EMC3: variants seen among roughly 807,000 people sequenced by gnomAD.
The protein encoded by EMC3 is 30 kDa protein.
In EMC3, 13 loss-of-function variants were observed where a neutral mutation model predicts 36.6. The ratio of observed to expected loss-of-function variants is 0.35; its 90% confidence interval spans 0.23 to 0.56. The LOEUF is 0.56. EMC3 is among the 20% of genes least tolerant of loss of function. The probability of loss-of-function intolerance (pLI) is 0.84; values close to 1 mark genes in which losing one functional copy is unlikely to be tolerated. For missense variants in EMC3, 220 were observed against 324.5 expected (o/e 0.68, Z 2.47); for synonymous variants, 120 against 111.9 (o/e 1.07, Z -0.46).
chr3:9,986,595 T>G lies in EMC3; in HGVS notation c.67A>C (p.Ile23Leu). Reference sequence around the variant, plus strand: ...CGGATCATGCCTACGAAGAAAGTGATGATAACGATGGGTAGGACCACCCAG... The same window carrying G: ...CGGATCATGCCTACGAAGAAAGTGAGGATAACGATGGGTAGGACCACCCAG... The part of the protein sequence containing the change: ...RLWVVLPIVI[I>L]TFFVGMIRHY... Residue 23 changes from isoleucine to leucine, a missense_variant, in exon 1 of 8, where the codon ATC (isoleucine) becomes CTC (leucine). By Grantham distance (5) the Ile-to-Leu change is conservative. Around this residue, in one of 3 missense-constraint regions of EMC3, gnomAD observed 127 missense variants for 174.6 expected, o/e 0.73. Coordinates refer to ENST00000245046, the MANE Select transcript of EMC3 (RefSeq NM_001394674.1). 11 of 1,614,222 alleles carry G rather than the reference T, an allele frequency of 6.8e-6. No homozygotes were observed. Among genetic ancestry groups the G allele is most frequent in the Non-Finnish European group, 9.3e-6 (11 of 1,180,042 alleles).
rs1575670346 is a variant in EMC3, at chr3:9,964,334, A to G, written c.658-137T>C. The G allele has an allele frequency of 2.2e-6, 3 of 1,384,294 alleles. No homozygotes were observed. In the South Asian group the frequency reaches 4.7e-5, roughly 21 times the overall value. 85.8% of individuals were successfully genotyped at this position (1,384,294 alleles called of 1,614,324 possible). On this transcript the variant is annotated intron_variant, in intron 7 of 7. Coordinates refer to ENST00000245046, the MANE Select transcript of EMC3 (RefSeq NM_001394674.1). ...ATGTATAAGCTCATTCAATCCTACAAGGGAAATGCTGCTACCCCAATCCTC... is the reference window on the plus strand; with the variant it reads ...ATGTATAAGCTCATTCAATCCTACAGGGGAAATGCTGCTACCCCAATCCTC...
Position 9,962,956 on chromosome 3 carries a change from T to A in EMC3, c.*1113A>T, listed in dbSNP as rs185519920. On this transcript the variant is annotated 3_prime_UTR_variant, in exon 8 of 8. Coordinates refer to ENST00000245046, the MANE Select transcript of EMC3 (RefSeq NM_001394674.1). ...TCCAAAGGAGTAGCCATTTCCAGTA[T>A]AGCACCACTGATTTGTCAATGGATT... 7 of 152,132 alleles carry A rather than the reference T, an allele frequency of 4.6e-5. No individual in the cohort carries two copies. Among genetic ancestry groups the A allele is most frequent in the Admixed American group, 4.6e-4 (7 of 15,264 alleles). 9.4% of individuals were successfully genotyped at this position (152,132 alleles called of 1,614,324 possible). A position where few individuals can be genotyped will look rare whatever the true frequency, so the allele number is the denominator to read the frequency against.
intron 7 of EMC3, chr3:9,969,517 C>G: frequency 6.9e-7 from 1 of 1,451,900 alleles, no homozygotes; most frequent in Non-Finnish European, 9.0e-7. Context: ...CATTTAAAAA[C>G]CAGTAAAAGC....
At chr3:9,990,211 A>G (rs1020819990), upstream of EMC3, among the ~76,000 whole-genome samples, 2 of 149,808 alleles carry the variant, frequency 1.3e-5, no homozygotes, top group Admixed American at 1.3e-4. Flanking sequence ...TTTTTAGTAG[A>G]GATGGGGTTT....
At chr3:9,989,794 TC>T (rs1344220971), upstream of EMC3, among the ~76,000 whole-genome samples, 3 of 152,114 alleles carry the variant, frequency 2.0e-5, no homozygotes, top group Non-Finnish European at 4.4e-5. Context: ...TATTCTTTTT[TC>T]TCAACATTTT....
At chr3:9,988,670 C>T, upstream of EMC3, 4 of 1,286,418 alleles carry the variant, frequency 3.1e-6, no homozygotes, top group Non-Finnish European at 4.5e-6. Flanking sequence ...ACGTGTTTCG[C>T]TGATGTGTCA....
Position 9,983,571 on chromosome 3 carries a change from T to C in EMC3, c.155+2936A>G, listed in dbSNP as rs542187518. ...CCGCTAATCGCAGCCACTCGAGAGG[T>C]TGAGGCAGGAGAATCACTTCAGCTG... On this transcript the variant is annotated intron_variant, in intron 1 of 7. Coordinates refer to ENST00000245046, the MANE Select transcript of EMC3 (RefSeq NM_001394674.1). Among the ~76,000 whole-genome samples, 110 of 151,764 alleles carry C rather than the reference T, an allele frequency of 7.2e-4. 1 individual carries two copies. The South Asian group carries it at 0.021, about 29-fold the overall frequency.
intron 7 of EMC3, among the ~76,000 whole-genome samples, chr3:9,965,455 T>TAGAA (rs1328199722): frequency 6.7e-6 from 1 of 150,222 alleles, no homozygotes; most frequent in Non-Finnish European, 1.5e-5. Flanking sequence ...GATAGATAGA[T>TAGAA]AGATAGAACA....
intron 1 of EMC3, among the ~76,000 whole-genome samples, chr3:9,982,634 T>A (rs1322341103): frequency 6.6e-6 from 1 of 152,116 alleles, no homozygotes; most frequent in Non-Finnish European, 1.5e-5. Context: ...ATGCCTATAA[T>A]CCCAATATTG....
chr3:9,965,595 C>T (rs911248351), intron 7 of EMC3, among the ~76,000 whole-genome samples: 12 of 152,136 alleles, frequency 7.9e-5, no homozygotes, highest in African/African-American at 2.7e-4. Flanking sequence ...TGTGCAACCA[C>T]CACCACTATC....
intron 2 of EMC3, 84 bp downstream of exon 2, chr3:9,977,305 C>T: frequency 7.5e-7 from 1 of 1,328,678 alleles, no homozygotes; most frequent in Non-Finnish European, 1.0e-6. Context: ...CTTTAGCTTT[C>T]CCCAGAGCCC....
intron 1 of EMC3, chr3:10,000,846 A>T (rs1215099855): frequency 2.0e-6 from 1 of 489,176 alleles, no homozygotes; most frequent in Non-Finnish European, 4.1e-6. Context: ...GCCCGAAGAG[A>T]CCTTGGAGAT....
chr3:9,982,366 GC>G (rs1292774798), intron 1 of EMC3, among the ~76,000 whole-genome samples: 2 of 152,084 alleles, frequency 1.3e-5, no homozygotes, highest in African/African-American at 4.8e-5. Flanking sequence ...CGATTCTCCT[GC>G]CTCAGCCTCC....
intron 5 of EMC3, among the ~76,000 whole-genome samples, chr3:9,972,014 C>CA (rs1030463372): frequency 2.7e-4 from 40 of 148,422 alleles, no homozygotes; most frequent in African/African-American, 5.5e-4. Flanking sequence ...TTCTGCCATT[C>CA]AAAAAAAAAT....
At chr3:9,974,530 C>G in intron 3 of EMC3, 42 bp from the exon 4 acceptor site, 1 of 1,338,388 alleles carries the variant, frequency 7.5e-7, no homozygotes, top group Non-Finnish European at 1.1e-6. Context: ...AGTTTTACCT[C>G]TGTTGCCAGG....
At chr3:9,977,261 CA>C in intron 2 of EMC3, 127 bp downstream of exon 2, 1 of 921,802 alleles carries the variant, frequency 1.1e-6, no homozygotes, top group Non-Finnish European at 1.6e-6. Context: ...GAGCAAACAC[CA>C]CCAGGCCACA....
At chr3:10,002,825 G>A (rs920826974) in intron 1 of EMC3, 4 of 456,314 alleles carry the variant, frequency 8.8e-6, no homozygotes, top group Non-Finnish European at 1.8e-5. Context: ...TCCACGCAGA[G>A]CACCAGCAAC....
intron 7 of EMC3, among the ~76,000 whole-genome samples, chr3:9,965,130 G>C (rs2085724187): frequency 6.6e-6 from 1 of 151,400 alleles, no homozygotes; most frequent in Admixed American, 6.6e-5. Flanking sequence ...AAGCTTGCGA[G>C]ATGTGGTAGC....
At position 9,963,450 on chromosome 3, in the gene EMC3, G is replaced by GAC; in HGVS notation, c.*618_*619insGT. On this transcript the variant is annotated 3_prime_UTR_variant, in exon 8 of 8. Transcript: ENST00000245046. ...CCTTCGAAGACTGGGCTTCTGCTAA[G>GAC]ATAGATATATATATATATATATATA... The GAC allele has an allele frequency of 2.6e-5, 2 of 77,648 alleles. No individual in the cohort carries two copies. Among genetic ancestry groups the GAC allele is most frequent in the Non-Finnish European group, 4.9e-5 (2 of 40,612 alleles). 4.8% of individuals were successfully genotyped at this position (77,648 alleles called of 1,614,324 possible). A position where few individuals can be genotyped will look rare whatever the true frequency, so the allele number is the denominator to read the frequency against.
Sources: allele counts gnomAD v4.1 joint callset (sites outside exome capture counted in the v4.1 genomes callset), GRCh38; gene constraint gnomAD v4.1.1; regional missense constraint gnomAD v4.1.1; transcripts MANE v1.5; gene names NCBI Gene and HGNC (gene_info 2026-07-23, HGNC 2026-07-21).